MGAT1: variants seen among roughly 807,000 people sequenced by gnomAD.
MGAT1 encodes the protein alpha-1,3-mannosyl-glycoprotein 2-beta-N-acetylglucosaminyltransferase, also known as N-glycosyl-oligosaccharide-glycoprotein N-acetylglucosaminyltransferase I.
A neutral mutation model predicts 31.7 loss-of-function variants in MGAT1; 14 were observed. The ratio of observed to expected loss-of-function variants is 0.44; its 90% CI spans 0.29 to 0.69. The LOEUF is 0.69. Ranked by LOEUF, MGAT1 falls within the 30% of genes least tolerant of loss-of-function variation. The probability of loss-of-function intolerance (pLI) is 0.12; values close to 1 mark genes in which losing one functional copy is unlikely to be tolerated. For synonymous variants in MGAT1, 338 were observed against 276.0 expected (o/e 1.22, Z -2.23); for missense variants, 557 against 626.0 (o/e 0.89, Z 1.18).
chr5:180,806,910 G>A (rs1347358059), upstream of MGAT1, among the ~76,000 whole-genome samples: 1 of 152,216 alleles, frequency 6.6e-6, no homozygotes, highest in Non-Finnish European at 1.5e-5. Flanking sequence ...TTTGCTGGGT[G>A]AAGCTGGGGA....
At position 180,791,963 on chromosome 5, in the gene MGAT1, G is replaced by A; in HGVS notation, c.1009C>T (p.Gln337Ter). Residue 337 changes from glutamine (Q) to a stop codon, truncating the protein, a stop_gained, in exon 2 of 2, where the codon CAG (glutamine) becomes TAG (stop). Coordinates refer to ENST00000307826, the MANE Select transcript of MGAT1 (RefSeq NM_002406.4). LOFTEE classifies it high-confidence loss of function. ...TCCAGCTGGGTGAAGTGCACAAACT[G>A]CTGGTTCAGCTTGATAAACTTGAGG... Reference protein sequence around the residue: ...QHLKFIKLNQQFVHFTQLDLS... With the variant: ...QHLKFIKLNQ The A allele has an allele frequency of 6.2e-7, 1 of 1,614,178 alleles. No homozygotes were observed. The highest frequency in any genetic ancestry group is 8.5e-7 in the Non-Finnish European group (1 of 1,180,036).
rs548402804 is a variant in MGAT1 at position 180,812,099 on chromosome 5, C to T, written c.-545-3033G>A. ...CGGGTTTACCATGTATTGTCTGTCT[C>T]CCACTACTAGAATTTAAGTTCCCTG... On this transcript the variant is annotated intron_variant, in intron 1 of 2. Transcript: ENST00000333055. Among the ~76,000 whole-genome samples the T allele has an allele frequency of 2.0e-4, 31 of 152,330 alleles. 1 individual carries two copies. In the South Asian group the frequency reaches 5.8e-3, roughly 28 times the overall value.
Position 180,785,323 on chromosome 5 carries a change from G to A in MGAT1, c.*6311C>T, listed in dbSNP as rs1197171541. The A allele has an allele frequency of 6.6e-5, 10 of 152,264 alleles. No individual in the cohort carries two copies. Among genetic ancestry groups the A allele is most frequent in the Non-Finnish European group, 1.5e-5 (1 of 68,048 alleles). The allele number at this position is 152,264 out of a possible 1,614,324, so 9.4% of individuals were successfully genotyped here. A position where few individuals can be genotyped will look rare whatever the true frequency, so the allele number is the denominator to read the frequency against. On this transcript the variant is annotated 3_prime_UTR_variant, in exon 2 of 2. Transcript: ENST00000307826. ...TACTGTTGCTCAGCAAACTCCCGCA[G>A]AACTCAGCAGCTTAAAATACCCGTT...
chr5:180,812,768 A>G (rs1279647862), intron 1 of MGAT1, among the ~76,000 whole-genome samples: 1 of 152,368 alleles, frequency 6.6e-6, no homozygotes, highest in East Asian at 1.9e-4. Flanking sequence ...AGCAATTACA[A>G]TTTAATTTCA....
At chr5:180,814,399 C>A (rs1236958332) in intron 1 of MGAT1, among the ~76,000 whole-genome samples, 2 of 152,206 alleles carry the variant, frequency 1.3e-5, no homozygotes, top group Non-Finnish European at 2.9e-5. Context: ...TTGACTCCCA[C>A]GCCAGCACGC....
At chr5:180,805,206 G>C (rs927902646), upstream of MGAT1, among the ~76,000 whole-genome samples, 1 of 151,998 alleles carries the variant, frequency 6.6e-6, no homozygotes, top group East Asian at 1.9e-4. Flanking sequence ...AAAAACAGGA[G>C]GATAAACAGT....
rs1189091600 is a variant in MGAT1, at chr5:180,792,806, G to A, written c.166C>T (p.Arg56Cys). Residue 56 changes from arginine (R) to cysteine (C), a missense_variant, in exon 2 of 2, where the codon CGC becomes TGC. By Grantham distance (180) the Arg-to-Cys change is radical. Coordinates refer to ENST00000307826, the MANE Select transcript of MGAT1 (RefSeq NM_002406.4). ...TCCACCTCGGCGTCTTGGGCCAGGC[G>A]AATCACTTCCCGGGTGAGGCTGGCG... ...DPASLTREVI[R>C]LAQDAEVELE... The A allele has an allele frequency of 6.4e-7, 1 of 1,557,396 alleles. No homozygotes were observed. The highest frequency in any genetic ancestry group is 1.4e-5 in the African/African-American group (1 of 73,704).
rs1325585183 is a variant in MGAT1 at position 180,784,840 on chromosome 5, A to C, written c.*6794T>G. 1 of 152,224 alleles carries C rather than the reference A, an allele frequency of 6.6e-6. No homozygotes were observed. Among genetic ancestry groups the C allele is most frequent in the African/African-American group, 2.4e-5 (1 of 41,454 alleles). The allele number at this position is 152,224 out of a possible 1,614,324, so 9.4% of individuals were successfully genotyped here. A position where few individuals can be genotyped will look rare whatever the true frequency, so the allele number is the denominator to read the frequency against. ...AATGTTTTTAGGTAGTTACACGATA[A>C]GCACATATTACTTATATACGAAAAA... On this transcript the variant is annotated 3_prime_UTR_variant, in exon 2 of 2. Coordinates refer to ENST00000307826, the MANE Select transcript of MGAT1 (RefSeq NM_002406.4).
chr5:180,807,987 A>G (rs961376578), intron 2 of MGAT1, among the ~76,000 whole-genome samples: 2 of 152,168 alleles, frequency 1.3e-5, no homozygotes, highest in Non-Finnish European at 2.9e-5. Flanking sequence ...TGCTCCTCGT[A>G]ACAACTTGTA....
intron 1 of MGAT1, among the ~76,000 whole-genome samples, chr5:180,800,337 C>T (rs1157813418): frequency 2.6e-5 from 4 of 152,230 alleles, no homozygotes; most frequent in South Asian, 2.1e-4. Flanking sequence ...ATCACTTACT[C>T]CTCACAGTTT....
At chr5:180,814,718 G>T (rs1772762343) in intron 1 of MGAT1, among the ~76,000 whole-genome samples, 2 of 151,982 alleles carry the variant, frequency 1.3e-5, no homozygotes, top group African/African-American at 4.8e-5. Flanking sequence ...GAGGCGGGTG[G>T]GTCATGAGGT....
chr5:180,807,518 C>T (rs548210086), upstream of MGAT1, among the ~76,000 whole-genome samples: 164 of 152,276 alleles, frequency 1.1e-3, 1 homozygote, highest in African/African-American at 3.9e-3. Context: ...TCTTAAGGAG[C>T]GGGAGAGATA....
chr5:180,803,366 G>A (rs746382508), upstream of MGAT1: 1 of 152,388 alleles, frequency 6.6e-6, no homozygotes, highest in Non-Finnish European at 1.5e-5. Flanking sequence ...TGGGGAATGA[G>A]AGCTTCAGTT....
intron 1 of MGAT1, among the ~76,000 whole-genome samples, chr5:180,797,768 C>T (rs1769792231): frequency 8.5e-6 from 1 of 117,460 alleles, no homozygotes; most frequent in South Asian, 2.9e-4. Flanking sequence ...TTGTTCTCCA[C>T]CCCACAGCCC....
chr5:180,785,747 G>C lies in MGAT1; in HGVS notation c.*5887C>G, dbSNP rs2113127760. The C allele has an allele frequency of 6.6e-6, 1 of 152,406 alleles. No individual in the cohort carries two copies. 9.4% of individuals were successfully genotyped at this position (152,406 alleles called of 1,614,324 possible). A position where few individuals can be genotyped will look rare whatever the true frequency, so the allele number is the denominator to read the frequency against. Reference sequence around the variant, plus strand: ...TCGCCGCTCACCTACTCCTGATCCTGAAAGGTTTTGCCCTTTTCCTAAATA... The same window carrying C: ...TCGCCGCTCACCTACTCCTGATCCTCAAAGGTTTTGCCCTTTTCCTAAATA... On this transcript the variant is annotated 3_prime_UTR_variant, in exon 2 of 2. Coordinates refer to ENST00000307826, the MANE Select transcript of MGAT1 (RefSeq NM_002406.4).
Position 180,793,070 on chromosome 5 carries a change from A to G in MGAT1, c.-99T>C. ...GCAGTCCTAGGGATGCCTCCTCTGG[A>G]CTATGGGATTAGGAGGCAGCCATGC... On this transcript the variant is annotated 5_prime_UTR_variant, in exon 2 of 2. Coordinates refer to ENST00000307826, the MANE Select transcript of MGAT1 (RefSeq NM_002406.4). 1 of 1,418,654 alleles carries G rather than the reference A, an allele frequency of 7.0e-7. No homozygotes were observed. The highest frequency in any genetic ancestry group is 9.6e-7 in the Non-Finnish European group (1 of 1,045,482). 87.9% of individuals were successfully genotyped at this position (1,418,654 alleles called of 1,614,324 possible).
rs777636039 is a variant in MGAT1, at chr5:180,791,713, A to G, written c.1259T>C (p.Val420Ala). 4 of 1,613,852 alleles carry G rather than the reference A, an allele frequency of 2.5e-6. No individual in the cohort carries two copies. Among genetic ancestry groups the G allele is most frequent in the Non-Finnish European group, 2.5e-6 (3 of 1,180,024 alleles). The change falls in exon 2 of 2, where the codon GTC (valine) becomes GCC (alanine). Residue 420 changes from valine (V) to alanine (A), a missense_variant. Physicochemically the swap from Val to Ala is moderately conservative, Grantham distance 64. Around this residue, in one of 3 missense-constraint regions of MGAT1, gnomAD observed 145 missense variants for 143.2 expected, o/e 1.01. Transcript: ENST00000307826. ...GVPRAGYRGI[V>A]TFQFRGRRVH... The stretch of plus-strand genomic sequence containing the variant: ...ACGGCGGCCCCGGAACTGGAAGGTG[A>G]CAATACCCCGGTAGCCAGCTCTCGG...
upstream of MGAT1, chr5:180,802,823 A>ACGGCCGGG (rs1344255314): frequency 2.0e-5 from 3 of 150,986 alleles, no homozygotes; most frequent in Admixed American, 6.6e-5. Flanking sequence ...CCGGGGCCGG[A>ACGGCCGGG]CGGCCGGGCG....
At position 180,791,896 on chromosome 5, in the gene MGAT1, A is replaced by C; in HGVS notation, c.1076T>G (p.Leu359Arg). The C allele has an allele frequency of 1.2e-6, 2 of 1,614,174 alleles. No homozygotes were observed. The highest frequency in any genetic ancestry group is 1.7e-6 in the Non-Finnish European group (2 of 1,180,036). ...CTGGGGAGCACCGTAGACGCGGGCG[A>C]GGAAATCTCGGTCATAGGCCTCCCG... ...LQREAYDRDF[L>R]ARVYGAPQLQ... The change falls in exon 2 of 2, where the codon CTC becomes CGC. Residue 359 changes from leucine (L) to arginine (R), a missense_variant. By Grantham distance (102) the Leu-to-Arg change is moderately radical. This residue lies in a region of MGAT1 where 145 missense variants were observed against 143.2 expected (regional missense o/e 1.01). Coordinates refer to ENST00000307826, the MANE Select transcript of MGAT1 (RefSeq NM_002406.4).
Sources: allele counts gnomAD v4.1 joint callset (sites outside exome capture counted in the v4.1 genomes callset), GRCh38; gene constraint gnomAD v4.1.1; regional missense constraint gnomAD v4.1.1; transcripts MANE v1.5; gene names NCBI Gene and HGNC (gene_info 2026-07-23, HGNC 2026-07-21).